Variants in HP1BP3 observed in about 807,000 individuals in gnomAD.
HP1BP3 encodes heterochromatin protein 1-binding protein 3.
Under a neutral mutation model 62.5 loss-of-function variants are expected in HP1BP3, and 12 were observed. The observed-to-expected ratio is 0.19, with a 90% CI of 0.12 to 0.31. HP1BP3 has a LOEUF of 0.31. HP1BP3 is among the 10% of genes least tolerant of loss of function. The pLI is 1.00. For missense variants in HP1BP3, 502 were observed against 651.8 expected (o/e 0.77, Z 2.50); for synonymous variants, 260 against 237.8 (o/e 1.09, Z -0.86).
chr1:20,766,942 TAGAAA>T (rs992198128), intron 7 of HP1BP3, among the ~76,000 whole-genome samples: 1 of 147,076 alleles, frequency 6.8e-6, no homozygotes, highest in African/African-American at 2.6e-5. Flanking sequence ...GATTCTATCT[TAGAAA>T]AGAAAACAAA....
intron 4 of HP1BP3, chr1:20,774,911 G>A (rs2057233988): frequency 1.3e-5 from 2 of 151,848 alleles, no homozygotes; most frequent in African/African-American, 4.9e-5. Flanking sequence ...TTGAACCTGG[G>A]AGGTGGAGGT....
At chr1:20,759,068 G>C (rs376848430) in intron 8 of HP1BP3, among the ~76,000 whole-genome samples, 2 of 152,028 alleles carry the variant, frequency 1.3e-5, no homozygotes, top group Admixed American at 6.6e-5. Flanking sequence ...ACATGGACTG[G>C]GTACTAGATA....
At chr1:20,767,937 C>G (rs578130974) in intron 6 of HP1BP3, among the ~76,000 whole-genome samples, 1 of 152,132 alleles carries the variant, frequency 6.6e-6, no homozygotes, top group South Asian at 2.1e-4. Flanking sequence ...TACTGTGATA[C>G]CACGTTAAAC....
intron 8 of HP1BP3, among the ~76,000 whole-genome samples, chr1:20,760,150 G>C (rs1160670361): frequency 6.6e-6 from 1 of 152,132 alleles, no homozygotes; most frequent in African/African-American, 2.4e-5. Flanking sequence ...GACTCCCAAA[G>C]TGCTGGGATT....
At chr1:20,757,848 T>C (rs1382503955) in intron 8 of HP1BP3, among the ~76,000 whole-genome samples, 1 of 151,614 alleles carries the variant, frequency 6.6e-6, no homozygotes, top group Non-Finnish European at 1.5e-5. Context: ...CATGTTATAT[T>C]AAAAACCAAT....
intron 1 of HP1BP3, among the ~76,000 whole-genome samples, chr1:20,786,840 G>T (rs1201200716): frequency 6.6e-6 from 1 of 152,168 alleles, no homozygotes; most frequent in Non-Finnish European, 1.5e-5. Context: ...GCCAATCGGG[G>T]CGGGCAGAGG....
At chr1:20,785,648 A>T (rs754142839) in intron 1 of HP1BP3, among the ~76,000 whole-genome samples, 2 of 152,236 alleles carry the variant, frequency 1.3e-5, no homozygotes, top group Non-Finnish European at 2.9e-5. Flanking sequence ...TAAAATCACA[A>T]TCTAACTGGG....
intron 8 of HP1BP3, among the ~76,000 whole-genome samples, chr1:20,763,793 TTTAAA>T (rs2056616801): frequency 6.6e-6 from 1 of 152,228 alleles, no homozygotes; most frequent in East Asian, 1.9e-4. Context: ...ATGCTGCATG[TTTAAA>T]TGATGGAAAC....
At chr1:20,786,320 G>C (rs1557682665) in intron 1 of HP1BP3, 1 of 152,304 alleles carries the variant, frequency 6.6e-6, no homozygotes, top group Non-Finnish European at 1.5e-5. Flanking sequence ...GTTTCCCACC[G>C]GGGGAGCGAG....
At chr1:20,759,255 T>G (rs1402572459) in intron 8 of HP1BP3, among the ~76,000 whole-genome samples, 1 of 152,040 alleles carries the variant, frequency 6.6e-6, no homozygotes, top group East Asian at 1.9e-4. Context: ...ACAAAATTAG[T>G]CAGGTGTGGT....
At chr1:20,778,065 A>G (rs567136837) in intron 3 of HP1BP3, among the ~76,000 whole-genome samples, 6 of 152,368 alleles carry the variant, frequency 3.9e-5, no homozygotes, top group African/African-American at 1.2e-4. Context: ...AGAATTTACT[A>G]TTAGTTAGTC....
At chr1:20,768,764 C>T (rs1321852155) in intron 6 of HP1BP3, among the ~76,000 whole-genome samples, 2 of 152,026 alleles carry the variant, frequency 1.3e-5, no homozygotes, top group South Asian at 2.1e-4. Context: ...TGCTTGAACA[C>T]GGGAGGCAGA....
intron 1 of HP1BP3, 42 bp downstream of exon 1, chr1:20,787,153 G>T (rs1212075521): frequency 6.6e-6 from 1 of 151,630 alleles, no homozygotes; most frequent in Non-Finnish European, 1.5e-5. Context: ...GGCCCAGCGA[G>T]CCCGCGCCCA....
At chr1:20,781,862 A>G (rs945925907) in intron 1 of HP1BP3, among the ~76,000 whole-genome samples, 19 of 152,126 alleles carry the variant, frequency 1.2e-4, no homozygotes, top group African/African-American at 4.6e-4. Context: ...CTGATCTCAG[A>G]TGATCTGCCC....
intron 8 of HP1BP3, among the ~76,000 whole-genome samples, chr1:20,757,782 G>A (rs192971216): frequency 1.8e-4 from 27 of 152,202 alleles, no homozygotes; most frequent in Admixed American, 1.6e-3. Context: ...AATATGCCCA[G>A]TTCTTCTTCT....
At chr1:20,755,322 CTT>C in intron 9 of HP1BP3, 1 of 448,598 alleles carries the variant, frequency 2.2e-6, no homozygotes, top group South Asian at 1.6e-5. Context: ...AATTCCAACA[CTT>C]TGGGAAGCTG....
chr1:20,783,228 A>G (rs940837726), intron 1 of HP1BP3, among the ~76,000 whole-genome samples: 2 of 152,162 alleles, frequency 1.3e-5, no homozygotes, highest in Admixed American at 6.6e-5. Flanking sequence ...ATAAATATTA[A>G]GAGACGTTAG....
chr1:20,760,753 T>C (rs1292412267), intron 8 of HP1BP3, among the ~76,000 whole-genome samples: 1 of 152,026 alleles, frequency 6.6e-6, no homozygotes, highest in Non-Finnish European at 1.5e-5. Flanking sequence ...GGAAAATCGC[T>C]TGAACCGAGG....
intron 8 of HP1BP3, among the ~76,000 whole-genome samples, chr1:20,758,952 T>A (rs1215618493): frequency 6.6e-6 from 1 of 151,996 alleles, no homozygotes; most frequent in African/African-American, 2.4e-5. Context: ...AGCACCTGGC[T>A]GGGAGAGAGG....
Sources: gnomAD v4.1 joint callset for allele counts (sites outside exome capture counted in the v4.1 genomes callset) on GRCh38, gnomAD v4.1.1 for gene constraint, MANE v1.5 for transcripts, NCBI Gene and HGNC (gene_info 2026-07-23, HGNC 2026-07-21) for gene names.